Variants in GAREM1 observed in about 807,000 individuals in gnomAD.
GAREM1 encodes the protein GRB2 associated regulator of MAPK1 subtype 1, also known as GRB2-associated and regulator of MAPK protein 1.
Under a neutral mutation model 71.3 loss-of-function variants are expected in GAREM1, and 26 were observed. That is an observed-to-expected ratio of 0.36 (90% confidence interval 0.27 to 0.51). The LOEUF is 0.51. Among genes scored for constraint, GAREM1 ranks in the 20% least tolerant of loss-of-function variants. GAREM1 has a pLI of 0.95. For synonymous variants in GAREM1, 440 were observed against 433.2 expected (o/e 1.02, Z -0.20); for missense variants, 1,026 against 1,103.1 (o/e 0.93, Z 0.99).
chr18:32,299,808 C>A (rs1445559159), intron 3 of GAREM1, among the ~76,000 whole-genome samples: 2 of 151,886 alleles, frequency 1.3e-5, no homozygotes, highest in African/African-American at 4.8e-5. Flanking sequence ...AAAAATTAAA[C>A]TAAAAATAGG....
chr18:32,377,736 T>C (rs925310717), intron 2 of GAREM1, among the ~76,000 whole-genome samples: 2 of 152,086 alleles, frequency 1.3e-5, no homozygotes. Flanking sequence ...GCTAATTTTT[T>C]GTATTTTTAG....
intron 2 of GAREM1, among the ~76,000 whole-genome samples, chr18:32,386,910 T>G (rs1184680012): frequency 6.6e-6 from 1 of 152,092 alleles, no homozygotes; most frequent in Non-Finnish European, 1.5e-5. Flanking sequence ...TGAACAACAT[T>G]TTTCTACAGT....
intron 3 of GAREM1, among the ~76,000 whole-genome samples, chr18:32,289,993 G>T (rs181389360): frequency 7.7e-4 from 117 of 151,016 alleles, no homozygotes; most frequent in Middle Eastern, 3.4e-3. Flanking sequence ...GTTTTTTTTT[G>T]TGTGTGTGTG....
At chr18:32,341,015 C>T (rs2047642266) in intron 2 of GAREM1, among the ~76,000 whole-genome samples, 1 of 152,038 alleles carries the variant, frequency 6.6e-6, no homozygotes. Context: ...TTCTAGGGTA[C>T]ATGTGCACAA....
rs760842146 is a variant in GAREM1 at position 32,287,904 on chromosome 18, C to G, written c.693G>C (p.Glu231Asp). ...CAATGTTGCGGATGGTGTGTTCGCC[C>G]TCTTGCATCTGAAGTTCCAGGGGAC... ...TRSPLELQMQEGEHTIRNIVE... is the reference protein window; with the variant it reads ...TRSPLELQMQDGEHTIRNIVE... The change falls in exon 4 of 6, where the codon GAG (glutamate) becomes GAC (aspartate). Residue 231 changes from glutamate (E) to aspartate (D), a missense_variant. Glu to Asp is a conservative substitution (Grantham distance 45). This residue lies in a region of GAREM1 where 218 missense variants were observed against 296.8 expected (regional missense o/e 0.73). Transcript: ENST00000269209. This position sits in a 1 kb window ranked among gnomAD's most constrained non-coding sequence, Gnocchi z 5.9. 17 of 1,614,004 alleles carry G rather than the reference C, an allele frequency of 1.1e-5. 1 individual carries two copies. Among genetic ancestry groups the G allele is most frequent in the South Asian group, 4.4e-5 (4 of 91,068 alleles).
intron 2 of GAREM1, among the ~76,000 whole-genome samples, chr18:32,352,522 G>C (rs1240915297): frequency 6.6e-6 from 1 of 152,206 alleles, no homozygotes; most frequent in Non-Finnish European, 1.5e-5. Flanking sequence ...GTGAGGGACA[G>C]AGCCAAGGGC....
At chr18:32,292,328 T>C (rs1010128520) in intron 3 of GAREM1, among the ~76,000 whole-genome samples, 4 of 152,216 alleles carry the variant, frequency 2.6e-5, no homozygotes, top group African/African-American at 7.2e-5. Context: ...TCACCCACTT[T>C]TTGATGGGGT....
chr18:32,408,470 C>CA (rs1404747872), intron 1 of GAREM1, among the ~76,000 whole-genome samples: 2 of 152,014 alleles, frequency 1.3e-5, no homozygotes, highest in African/African-American at 2.4e-5. Context: ...ATATTAATGG[C>CA]AAAAAAATTG....
At chr18:32,327,126 A>G (rs1292766201) in intron 2 of GAREM1, among the ~76,000 whole-genome samples, 1 of 152,224 alleles carries the variant, frequency 6.6e-6, no homozygotes, top group African/African-American at 2.4e-5. Flanking sequence ...ATGATTTCTG[A>G]TATTGTACAA....
chr18:32,452,833 TTTATAC>T (rs1206191026), intron 1 of GAREM1, among the ~76,000 whole-genome samples: 1 of 149,900 alleles, frequency 6.7e-6, no homozygotes, highest in Non-Finnish European at 1.5e-5. Flanking sequence ...AGAAGGGGGT[TTTATAC>T]TTATAACTTC....
At chr18:32,323,561 T>G (rs763993602) in intron 2 of GAREM1, among the ~76,000 whole-genome samples, 2 of 152,054 alleles carry the variant, frequency 1.3e-5, no homozygotes, top group East Asian at 1.9e-4. Flanking sequence ...TTAGCCAACT[T>G]AGCCAAGTGT....
At chr18:32,433,153 CAA>C (rs1382585135) in intron 1 of GAREM1, among the ~76,000 whole-genome samples, 1 of 139,490 alleles carries the variant, frequency 7.2e-6, no homozygotes. Flanking sequence ...CATTAACAGG[CAA>C]AAAAAAAACA....
At chr18:32,431,372 G>T (rs891457294) in intron 1 of GAREM1, among the ~76,000 whole-genome samples, 1 of 152,216 alleles carries the variant, frequency 6.6e-6, no homozygotes, top group Non-Finnish European at 1.5e-5. Context: ...GCTCACGCCT[G>T]TAATCCCAGC....
At chr18:32,430,979 T>A (rs1432377937) in intron 1 of GAREM1, among the ~76,000 whole-genome samples, 1 of 151,436 alleles carries the variant, frequency 6.6e-6, no homozygotes, top group African/African-American at 2.4e-5. Flanking sequence ...GAGAAAGGAG[T>A]TCAACAGAGT....
chr18:32,403,829 T>C (rs990023555), intron 1 of GAREM1, among the ~76,000 whole-genome samples: 1 of 152,256 alleles, frequency 6.6e-6, no homozygotes, highest in Non-Finnish European at 1.5e-5. Flanking sequence ...TTTAGAGCTA[T>C]GAGTACGTGA....
chr18:32,314,439 G>T (rs924291364), intron 2 of GAREM1, among the ~76,000 whole-genome samples: 9 of 152,146 alleles, frequency 5.9e-5, no homozygotes, highest in African/African-American at 1.9e-4. Context: ...TTCCTCACCT[G>T]TAAAATGGGG....
chr18:32,340,679 A>C (rs1470278025), intron 2 of GAREM1, among the ~76,000 whole-genome samples: 1 of 152,222 alleles, frequency 6.6e-6, no homozygotes, highest in African/African-American at 2.4e-5. Context: ...TAGGAAAAGA[A>C]GTAATAGCAG....
At chr18:32,376,769 C>T (rs554335247) in intron 2 of GAREM1, among the ~76,000 whole-genome samples, 5 of 152,202 alleles carry the variant, frequency 3.3e-5, no homozygotes, top group East Asian at 1.9e-4. Flanking sequence ...ACCCGGGAGG[C>T]GGAGGCTGCA....
At chr18:32,422,818 C>G (rs2048532551) in intron 1 of GAREM1, among the ~76,000 whole-genome samples, 2 of 152,126 alleles carry the variant, frequency 1.3e-5, no homozygotes, top group Admixed American at 6.6e-5. Context: ...AATTTGGAAT[C>G]ACAGAATTTT....
Sources: gnomAD v4.1 joint callset for allele counts (sites outside exome capture counted in the v4.1 genomes callset) on GRCh38, gnomAD v4.1.1 for gene constraint, gnomAD v4.1.1 regional missense constraint, Gnocchi (gnomAD v3.1) non-coding constraint, MANE v1.5 for transcripts, NCBI Gene and HGNC (gene_info 2026-07-23, HGNC 2026-07-21) for gene names.